Variants in LRP5 observed in about 807,000 individuals in gnomAD.
LRP5 encodes LDL receptor related protein 5, also known as low-density lipoprotein receptor-related protein 5.
LRP5 carries 62 observed loss-of-function variants against 154.1 expected under a neutral mutation model. That is an observed-to-expected ratio of 0.40 (90% CI 0.33 to 0.50). The LOEUF (loss-of-function observed/expected upper bound fraction) is 0.50. LRP5 is among the 20% of genes least tolerant of loss of function. The pLI, the probability that LRP5 is intolerant of heterozygous loss-of-function variation, is 0.55. For synonymous variants in LRP5, 966 were observed against 1,011.5 expected, an observed-to-expected ratio of 0.96 and a Z score of 0.85; for missense variants, 1,915 against 2,336.7, an observed-to-expected ratio of 0.82 and a Z score of 3.72.
chr11:68,301,991 C>T, the LRP5 span, among the ~76,000 whole-genome samples: 1 of 151,680 alleles, frequency 6.6e-6, no homozygotes, highest in Non-Finnish European at 1.5e-5. Flanking sequence ...CTATGTCTTT[C>T]ATCTATTTTT....
At chr11:68,448,423 A>G (rs2098682601) in intron 22 of LRP5, among the ~76,000 whole-genome samples, 1 of 152,236 alleles carries the variant, frequency 6.6e-6, no homozygotes, top group South Asian at 2.1e-4. Flanking sequence ...AATCTCATGT[A>G]TCCTTCACTT....
chr11:68,439,946 CGGGAT>C, intron 21 of LRP5, 30 bp downstream of exon 21: 1 of 448,388 alleles, frequency 2.2e-6, no homozygotes, highest in Non-Finnish European at 4.2e-6. Context: ...AGGGGCGGGG[CGGGAT>C]GGGGCTGTGG....
intron 1 of LRP5, among the ~76,000 whole-genome samples, chr11:68,340,605 G>A (rs186850143): frequency 1.4e-3 from 218 of 152,244 alleles, no homozygotes; most frequent in Non-Finnish European, 2.5e-3. Flanking sequence ...ATTGTCATGG[G>A]CCAGGTCTCA....
intron 7 of LRP5, among the ~76,000 whole-genome samples, chr11:68,398,998 C>G (rs948502837): frequency 6.6e-6 from 1 of 152,048 alleles, no homozygotes; most frequent in Non-Finnish European, 1.5e-5. Context: ...ATTACAGGCT[C>G]GAGCCACGGA....
At chr11:68,343,048 C>T (rs1025446611) in intron 1 of LRP5, among the ~76,000 whole-genome samples, 2 of 152,216 alleles carry the variant, frequency 1.3e-5, no homozygotes, top group African/African-American at 4.8e-5. Flanking sequence ...GGGTTCCCCT[C>T]CTGCCTGGAA....
At chr11:68,405,057 G>C (rs2098654813) in intron 8 of LRP5, among the ~76,000 whole-genome samples, 1 of 151,956 alleles carries the variant, frequency 6.6e-6, no homozygotes, top group African/African-American at 2.4e-5. Flanking sequence ...TACTCGAGAG[G>C]CTGAGGCGGA....
At chr11:68,304,198 A>T in the LRP5 span, among the ~76,000 whole-genome samples, 1 of 152,240 alleles carries the variant, frequency 6.6e-6, no homozygotes, top group African/African-American at 2.4e-5. Flanking sequence ...TGCTCTGCAC[A>T]GCCTCAGGAC....
upstream of LRP5, among the ~76,000 whole-genome samples, chr11:68,309,155 G>T (rs970364241): frequency 1.3e-5 from 2 of 151,686 alleles, no homozygotes; most frequent in Admixed American, 6.6e-5. Context: ...GGATGGTCTC[G>T]ATCTCCTGAC....
At chr11:68,350,956 G>C (rs1464985334) in intron 2 of LRP5, among the ~76,000 whole-genome samples, 1 of 152,180 alleles carries the variant, frequency 6.6e-6, no homozygotes, top group Non-Finnish European at 1.5e-5. Flanking sequence ...GTGTGTCCGT[G>C]TGTGTGCATG....
intron 9 of LRP5, among the ~76,000 whole-genome samples, chr11:68,407,620 C>T (rs2098656479): frequency 6.6e-6 from 1 of 151,270 alleles, no homozygotes; most frequent in South Asian, 2.1e-4. Context: ...GTGGGCAGAT[C>T]ACCTGAGGTC....
At chr11:68,346,451 C>T (rs947570938) in intron 1 of LRP5, among the ~76,000 whole-genome samples, 8 of 152,268 alleles carry the variant, frequency 5.3e-5, no homozygotes, top group African/African-American at 1.9e-4. Context: ...GCGCTGGGGT[C>T]TCCTGGGCCA....
At chr11:68,312,166 CCT>C (rs554976416), upstream of LRP5, among the ~76,000 whole-genome samples, 10 of 152,346 alleles carry the variant, frequency 6.6e-5, no homozygotes, top group South Asian at 1.7e-3. Context: ...CACTTCTCTC[CCT>C]GTTCCCTTCT....
At chr11:68,376,635 C>T (rs958658218) in intron 5 of LRP5, among the ~76,000 whole-genome samples, 74 of 152,296 alleles carry the variant, frequency 4.9e-4, no homozygotes, top group African/African-American at 1.3e-3. Flanking sequence ...GGTGGCCTTG[C>T]GGAGGGGCGC....
At position 68,389,266 on chromosome 11, in the gene LRP5, A is replaced by G. The variant is rs1310625843; in HGVS notation, c.1413-615A>G. 8.2e-5 allele frequency among the ~76,000 whole-genome samples: 5 copies of G among 61,126 alleles called. No homozygotes were observed. In the East Asian group the frequency reaches 2.6e-3, roughly 31 times the overall value. 40.1% of individuals were successfully genotyped at this position (61,126 alleles called of 152,430 possible). On this transcript the variant is annotated intron_variant, in intron 6 of 22. Transcript: ENST00000294304. ...CATCTACCAACACCGACATTTACCA[A>G]CACTGACATTTACCAACACTGACAT...
intron 18 of LRP5, among the ~76,000 whole-genome samples, chr11:68,436,618 C>T (rs1204283667): frequency 6.6e-6 from 1 of 152,158 alleles, no homozygotes; most frequent in Non-Finnish European, 1.5e-5. Flanking sequence ...GTAGACCTCC[C>T]CACAGTAGGC....
chr11:68,430,426 C>A (rs1213956862), intron 17 of LRP5, among the ~76,000 whole-genome samples: 5 of 152,222 alleles, frequency 3.3e-5, no homozygotes, highest in Non-Finnish European at 7.3e-5. Flanking sequence ...CCCACCTCGG[C>A]CTCCCAAAGT....
At position 68,312,691 on chromosome 11, in the gene LRP5, G is replaced by T; in HGVS notation, c.-24G>T. 1 of 991,972 alleles carries T rather than the reference G, an allele frequency of 1.0e-6. No homozygotes were observed. Among genetic ancestry groups the T allele is most frequent in the Non-Finnish European group, 1.2e-6 (1 of 831,740 alleles). The allele number at this position is 991,972 out of a possible 1,614,324, so 61.4% of individuals were successfully genotyped here. On this transcript the variant is annotated 5_prime_UTR_variant, in exon 1 of 23. Transcript: ENST00000294304. ...CATGGAGCCCGAGTGAGCGCGGCGC[G>T]GGCCCGTCCGGCCGCCGGACAACAT...
intron 1 of LRP5, among the ~76,000 whole-genome samples, chr11:68,339,043 T>G (rs2098607347): frequency 6.6e-6 from 1 of 151,360 alleles, no homozygotes; most frequent in African/African-American, 2.4e-5. Flanking sequence ...CTGGCTAATT[T>G]CTGTATTTTT....
Position 68,406,643 on chromosome 11 carries a change from A to C in LRP5, c.1921A>C (p.Ile641Leu). ...LELLSDMKTC[I>L]VPEAFLVFTS... ...GCTGCTGAGTGACATGAAGACCTGC[A>C]TCGTGCCTGAGGCCTTCTTGGTCTT... is the stretch of plus-strand genomic sequence containing the variant. The change falls in exon 9 of 23, where the codon ATC becomes CTC. Residue 641 changes from isoleucine to leucine, a missense_variant. Ile to Leu is a conservative substitution (Grantham distance 5, BLOSUM62 2). Coordinates refer to ENST00000294304, the MANE Select transcript of LRP5 (RefSeq NM_002335.4). 1.2e-6 allele frequency: 2 copies of C among 1,614,170 alleles called. No homozygotes were observed. The highest frequency in any genetic ancestry group is 4.5e-5 in the East Asian group (2 of 44,882).
Sources: gnomAD v4.1 joint callset for allele counts (sites outside exome capture counted in the v4.1 genomes callset) on GRCh38, gnomAD v4.1.1 for gene constraint, MANE v1.5 for transcripts, NCBI Gene and HGNC (gene_info 2026-07-23, HGNC 2026-07-21) for gene names.